Variants in UBXN6 observed in about 807,000 individuals in gnomAD.
UBXN6 encodes the protein UBX domain protein 6, also known as UBX domain-containing protein 6.
Under a neutral mutation model 51.4 loss-of-function variants are expected in UBXN6, and 44 were observed. The observed-to-expected ratio is 0.86, with a 90% CI of 0.67 to 1.10. UBXN6 has a LOEUF of 1.10. Among genes scored for constraint, UBXN6 ranks in the 50% least tolerant of loss-of-function variants. The pLI is 0.00. For missense variants in UBXN6, 672 were observed against 596.1 expected (o/e 1.13, Z -1.32); for synonymous variants, 316 against 263.2 (o/e 1.20, Z -1.94).
chr19:4,449,492 G>T (rs1416723709), intron 4 of UBXN6: 1 of 152,620 alleles, frequency 6.6e-6, no homozygotes, highest in African/African-American at 2.4e-5. Flanking sequence ...GTGGGGAGCG[G>T]GACAGAGCAC....
intron 1 of UBXN6, chr19:4,455,082 G>T: frequency 5.2e-6 from 2 of 387,924 alleles, no homozygotes; most frequent in Non-Finnish European, 7.1e-6. Flanking sequence ...ACCCTGTTGA[G>T]CCCTACACCA....
At position 4,457,622 on chromosome 19, in the gene UBXN6, A is replaced by G; in HGVS notation, c.76T>C (p.Ser26Pro). ...CCTGCGTTCCTCACGCACCCCACGGACTCTTTGAGCTTCTGACCGGGTCCC... is the reference window on the plus strand; with the variant it reads ...CCTGCGTTCCTCACGCACCCCACGGGCTCTTTGAGCTTCTGACCGGGTCCC... ...SAGPGQKLKE[S>P]VGEKAHKEKP... The change falls in exon 1 of 11, where the codon TCC (serine) becomes CCC (proline). Residue 26 changes from serine (S) to proline (P), a missense_variant. Ser to Pro is a moderately conservative substitution (Grantham distance 74). Coordinates refer to ENST00000301281, the MANE Select transcript of UBXN6 (RefSeq NM_025241.3). 6.3e-7 allele frequency: 1 copy of G among 1,593,730 alleles called. No individual in the cohort carries two copies. The highest frequency in any genetic ancestry group is 8.5e-7 in the Non-Finnish European group (1 of 1,172,100).
Position 4,457,724 on chromosome 19 carries a change from G to T in UBXN6, c.-27C>A. ...GTGGCGGCTGGCCCGGCGGCGGGGGGCCGCGGGGGCGGGGGGGCACGGGGC... is the reference window on the plus strand; with the variant it reads ...GTGGCGGCTGGCCCGGCGGCGGGGGTCCGCGGGGGCGGGGGGGCACGGGGC... On this transcript the variant is annotated 5_prime_UTR_variant, in exon 1 of 11. Coordinates refer to ENST00000301281, the MANE Select transcript of UBXN6 (RefSeq NM_025241.3). 2.0e-6 allele frequency: 3 copies of T among 1,491,356 alleles called. No homozygotes were observed. The highest frequency in any genetic ancestry group is 1.8e-6 in the Non-Finnish European group (2 of 1,120,502). The allele number at this position is 1,491,356 out of a possible 1,614,324, so 92.4% of individuals were successfully genotyped here.
chr19:4,445,823 C>G, intron 10 of UBXN6, 200 bp from the exon 11 acceptor site: 1 of 1,034,648 alleles, frequency 9.7e-7, no homozygotes, highest in South Asian at 1.7e-5. Context: ...CACTAGCTAA[C>G]GCACGTCACC....
chr19:4,447,085 C>G (rs1974548786), intron 6 of UBXN6, 165 bp from the exon 7 acceptor site: 1 of 650,978 alleles, frequency 1.5e-6, no homozygotes, highest in African/African-American at 1.8e-5. Flanking sequence ...ACCTGCTTTT[C>G]TACGGTGGGG....
rs772734967 is a variant in UBXN6 at position 4,446,248 on chromosome 19, C to G, written c.1051+35G>C. On this transcript the variant is annotated intron_variant, in intron 9 of 10. Coordinates refer to ENST00000301281, the MANE Select transcript of UBXN6 (RefSeq NM_025241.3). ...GTGGGGCCCAGGGCCCCCTACCAAC[C>G]CGAGCCGCCCTCCACGGGCATCGTT... The G allele has an allele frequency of 1.3e-6, 2 of 1,570,730 alleles. 1 individual carries two copies. The highest frequency in any genetic ancestry group is 3.6e-5 in the Admixed American group (2 of 54,866).
chr19:4,454,050 G>A lies in UBXN6; in HGVS notation c.127C>T (p.Pro43Ser). 1.9e-6 allele frequency: 3 copies of A among 1,584,510 alleles called. No homozygotes were observed. The highest frequency in any genetic ancestry group is 4.5e-5 in the East Asian group (2 of 44,482). The change falls in exon 2 of 11, where the codon CCG (proline) becomes TCG (serine). Residue 43 changes from proline to serine, a missense_variant. By Grantham distance (74) the Pro-to-Ser change is moderately conservative (BLOSUM62 -1). Transcript: ENST00000301281. ...TCATTGGTGGGTCCCTGGCGGGGCG[G>A]CCTGGGGGCTGGCTGGTTGGGCTTC... ...KEKPNQPAPR[P>S]PRQGPTNEAQ...
In UBXN6 at chr19:4,445,549, C is replaced by T. The variant is rs200744680; in HGVS notation, c.1275G>A (p.Pro425=). Residue 425 remains proline, a synonymous_variant, in exon 11 of 11, where the codon CCG becomes CCA. Transcript: ENST00000301281. The part of the protein sequence containing the change: ...LEDIKAAGAE[P]DSILKPELLS... ...GGAGCTCGGGTTTCAGGATGGAGTCCGGCTCGGCCCCCGCGGCCTTGATGT... is the reference window on the plus strand; with the variant it reads ...GGAGCTCGGGTTTCAGGATGGAGTCTGGCTCGGCCCCCGCGGCCTTGATGT... 5.9e-5 allele frequency: 96 copies of T among 1,613,856 alleles called. No individual in the cohort carries two copies. The highest frequency in any genetic ancestry group is 1.3e-4 in the South Asian group (12 of 91,086).
Position 4,446,548 on chromosome 19 carries a change from T to C in UBXN6, c.872A>G (p.Asp291Gly). The change falls in exon 8 of 11, where the codon GAC (aspartate) becomes GGC (glycine). Residue 291 changes from aspartate (D) to glycine (G), a missense_variant. Transcript: ENST00000301281. Reference protein sequence around the residue: ...PLASQFELPGDFFNLTAEEIK... With the variant: ...PLASQFELPGGFFNLTAEEIK... ...CTCCTCTGCTGTGAGGTTGAAGAAGTCCCCAGGCAGTTCGAACTGCGAGGC... is the reference window on the plus strand; with the variant it reads ...CTCCTCTGCTGTGAGGTTGAAGAAGCCCCCAGGCAGTTCGAACTGCGAGGC... 1 of 1,612,168 alleles carries C rather than the reference T, an allele frequency of 6.2e-7. No homozygotes were observed. Among genetic ancestry groups the C allele is most frequent in the East Asian group, 2.2e-5 (1 of 44,858 alleles).
intron 3 of UBXN6, among the ~76,000 whole-genome samples, chr19:4,453,105 T>G (rs1242236786): frequency 6.6e-6 from 1 of 152,180 alleles, no homozygotes; most frequent in Non-Finnish European, 1.5e-5. Flanking sequence ...GTCCTGCCTT[T>G]GCTGGTCCTG....
At chr19:4,456,442 A>G (rs1393348261) in intron 1 of UBXN6, among the ~76,000 whole-genome samples, 3 of 148,050 alleles carry the variant, frequency 2.0e-5, no homozygotes, top group Non-Finnish European at 3.0e-5. Flanking sequence ...CTCCCTCACA[A>G]TCCCTTCCAC....
chr19:4,445,859 G>A (rs1432155615), intron 10 of UBXN6, 190 bp downstream of exon 10: 5 of 1,065,172 alleles, frequency 4.7e-6, no homozygotes, highest in African/African-American at 3.2e-5. Flanking sequence ...GGAAACTGAG[G>A]CGTGGAGTAG....
chr19:4,455,113 G>A (rs906070121), intron 1 of UBXN6: 22 of 721,122 alleles, frequency 3.1e-5, no homozygotes, highest in South Asian at 2.5e-4. Context: ...CGTAACCCAC[G>A]TGGCACAGTG....
rs139712027 is a variant in UBXN6 at position 4,447,222 on chromosome 19, G to T, written c.616-302C>A. On this transcript the variant is annotated intron_variant, in intron 6 of 10. Coordinates refer to ENST00000301281, the MANE Select transcript of UBXN6 (RefSeq NM_025241.3). ...AACACCGCCCAGGACCCCAGTCCCT[G>T]CCCTTTCCCCCAGAAGAACCAGACA... is the stretch of plus-strand genomic sequence containing the variant. 3.1e-4 allele frequency: 180 copies of T among 575,188 alleles called. No homozygotes were observed. The East Asian group carries it at 4.5e-3, about 14-fold the overall frequency. 35.6% of individuals were successfully genotyped at this position (575,188 alleles called of 1,614,324 possible).
chr19:4,455,763 G>A (rs571955580), intron 1 of UBXN6, among the ~76,000 whole-genome samples: 1 of 152,058 alleles, frequency 6.6e-6, no homozygotes, highest in South Asian at 2.1e-4. Context: ...GGAGGATGGG[G>A]GTCTGGAAAG....
intron 4 of UBXN6, 140 bp from the exon 5 acceptor site, chr19:4,448,555 G>C: frequency 1.4e-6 from 1 of 704,714 alleles, no homozygotes; most frequent in Non-Finnish European, 2.4e-6. Flanking sequence ...TCACAGAAAG[G>C]AAAAGAGAGA....
At chr19:4,457,458 T>C (rs1354169090) in intron 1 of UBXN6, among the ~76,000 whole-genome samples, 157 bp downstream of exon 1, 6 of 111,008 alleles carry the variant, frequency 5.4e-5, no homozygotes, top group African/African-American at 1.7e-4. Context: ...TCGGCCCGAC[T>C]TCGTCCGCCC....
chr19:4,457,337 G>A (rs1370534828), intron 1 of UBXN6, among the ~76,000 whole-genome samples: 2 of 19,012 alleles, frequency 1.1e-4, no homozygotes, highest in East Asian at 3.5e-3. Flanking sequence ...CTCCCGCCCC[G>A]CCCCCTGCGC....
rs934852467 is a variant in UBXN6 at position 4,454,073 on chromosome 19, T to C, written c.104A>G (p.Lys35Arg). ...CGGCCTGGGGGCTGGCTGGTTGGGC[T>C]TCTCTTTGTGGGCCTTTTCCCTGGG... ...ESVGEKAHKE[K>R]PNQPAPRPPR... The change falls in exon 2 of 11, where the codon AAG (lysine) becomes AGG (arginine). Residue 35 changes from lysine to arginine, a missense_variant. By Grantham distance (26) the Lys-to-Arg change is conservative. Transcript: ENST00000301281. The C allele has an allele frequency of 7.7e-6, 12 of 1,567,426 alleles. No individual in the cohort carries two copies. In the African/African-American group the frequency reaches 1.6e-4, roughly 21 times the overall value.
Sources: gnomAD v4.1 joint callset for allele counts (sites outside exome capture counted in the v4.1 genomes callset) on GRCh38, gnomAD v4.1.1 for gene constraint, MANE v1.5 for transcripts, NCBI Gene and HGNC (gene_info 2026-07-23, HGNC 2026-07-21) for gene names.